APBB2: variants seen among roughly 807,000 people sequenced by gnomAD.
APBB2 encodes amyloid beta precursor protein binding family B member 2.
APBB2 carries 38 observed loss-of-function variants against 82.5 expected under a neutral mutation model. That is an observed-to-expected ratio of 0.46 (90% confidence interval 0.36 to 0.60). The LOEUF is 0.60. Among genes scored for constraint, APBB2 ranks in the 20% least tolerant of loss-of-function variants. The probability of loss-of-function intolerance (pLI) is 0.00; values close to 1 mark genes in which losing one functional copy is unlikely to be tolerated. For missense variants in APBB2, 772 were observed against 972.3 expected (o/e 0.79, Z 2.74); for synonymous variants, 341 against 368.2 (o/e 0.93, Z 0.85).
rs944221395 is a variant in APBB2, at chr4:40,813,263, A to G, written c.*2829T>C. The G allele has an allele frequency of 4.6e-5, 7 of 152,266 alleles. No homozygotes were observed. Among genetic ancestry groups the G allele is most frequent in the African/African-American group, 7.2e-5 (3 of 41,472 alleles). 9.4% of individuals were successfully genotyped at this position (152,266 alleles called of 1,614,324 possible). A position where few individuals can be genotyped will look rare whatever the true frequency, so the allele number is the denominator to read the frequency against. On this transcript the variant is annotated 3_prime_UTR_variant, in exon 18 of 18. Transcript: ENST00000508593. ...TATCCAGGAAAGATAATACATTAAC[A>G]CAATAATGCAGTATATTTCAGTAAA...
intron 2 of APBB2, among the ~76,000 whole-genome samples, chr4:41,109,660 T>C (rs748748354): frequency 1.3e-5 from 2 of 152,144 alleles, no homozygotes; most frequent in Non-Finnish European, 2.9e-5. Context: ...TTGGTAGAGA[T>C]GGAGTTTCAC....
At chr4:40,908,363 A>G (rs1777633114) in intron 10 of APBB2, among the ~76,000 whole-genome samples, 1 of 152,116 alleles carries the variant, frequency 6.6e-6, no homozygotes, top group Non-Finnish European at 1.5e-5. Flanking sequence ...TATACACTTC[A>G]GGTAACCATG....
chr4:41,120,741 G>A lies in APBB2; in HGVS notation c.-260-19991C>T, dbSNP rs549187853. Among the ~76,000 whole-genome samples, 14 of 152,226 alleles carry A rather than the reference G, an allele frequency of 9.2e-5. No individual in the cohort carries two copies. The South Asian group carries it at 1.2e-3, about 14-fold the overall frequency. On this transcript the variant is annotated intron_variant, in intron 2 of 17. Transcript: ENST00000508593. ...AGCTTGGGCTGCTTTCACAGGCACC[G>A]CGCTCTTGCAAAATACAGCCTAAAA...
At chr4:41,049,234 C>T (rs1414544520) in intron 4 of APBB2, among the ~76,000 whole-genome samples, 3 of 150,194 alleles carry the variant, frequency 2.0e-5, no homozygotes, top group Non-Finnish European at 4.4e-5. Flanking sequence ...TCTGCCCAGC[C>T]GCGACCCCGT....
At chr4:40,836,548 A>T (rs1754015727) in intron 12 of APBB2, among the ~76,000 whole-genome samples, 1 of 152,212 alleles carries the variant, frequency 6.6e-6, no homozygotes, top group Non-Finnish European at 1.5e-5. Flanking sequence ...GAAGAAAGAC[A>T]TTTAGAGGCC....
intron 2 of APBB2, among the ~76,000 whole-genome samples, chr4:41,131,777 C>T (rs1380872613): frequency 6.6e-6 from 1 of 152,156 alleles, no homozygotes; most frequent in African/African-American, 2.4e-5. Context: ...CAGTGGATCA[C>T]GTCTGTAATC....
intron 6 of APBB2, among the ~76,000 whole-genome samples, chr4:40,990,938 G>A (rs1413447605): frequency 6.6e-6 from 1 of 151,940 alleles, no homozygotes; most frequent in African/African-American, 2.4e-5. Flanking sequence ...CCCTGAATGG[G>A]GGTTGGGGGC....
At chr4:40,982,279 AAAGAAGGAAGGAAGGAAGGAAGGAAG>A in intron 6 of APBB2, among the ~76,000 whole-genome samples, 1 of 40,656 alleles carries the variant, frequency 2.5e-5, no homozygotes, top group African/African-American at 1.2e-4. Context: ...AGAAAGAAAG[AAAGAAGGAAGGAAGGAAGGAAGGAAG>A]GAAAGAAAGA....
At chr4:41,072,372 G>A (rs13129535) in intron 3 of APBB2, among the ~76,000 whole-genome samples, 78,283 of 152,020 alleles carry the variant, frequency 0.51, 20,814 homozygotes, top group East Asian at 0.72. Context: ...AGGCTTTGGG[G>A]ATATGTGTCT....
intron 3 of APBB2, among the ~76,000 whole-genome samples, chr4:41,079,423 T>C (rs1054926722): frequency 6.6e-6 from 1 of 152,150 alleles, no homozygotes; most frequent in Non-Finnish European, 1.5e-5. Flanking sequence ...GTTTGTTTCA[T>C]AAGATTTCAA....
At chr4:40,956,360 C>T (rs1158837290) in intron 6 of APBB2, among the ~76,000 whole-genome samples, 4 of 152,100 alleles carry the variant, frequency 2.6e-5, no homozygotes. Flanking sequence ...CCAAAGGAAT[C>T]GGCAGAAACA....
At chr4:40,895,763 G>T (rs1773497094) in intron 10 of APBB2, among the ~76,000 whole-genome samples, 1 of 152,166 alleles carries the variant, frequency 6.6e-6, no homozygotes, top group Non-Finnish European at 1.5e-5. Flanking sequence ...CCCCTGGCCT[G>T]CCATTCCAAC....
At chr4:41,121,575 A>G (rs374562025) in intron 2 of APBB2, among the ~76,000 whole-genome samples, 22 of 152,258 alleles carry the variant, frequency 1.4e-4, no homozygotes, top group African/African-American at 5.3e-4. Flanking sequence ...TAGGATGGAA[A>G]TCCTCCACCT....
chr4:40,873,909 T>C (rs537300732), intron 12 of APBB2, among the ~76,000 whole-genome samples: 95 of 152,350 alleles, frequency 6.2e-4, no homozygotes, highest in African/African-American at 2.0e-3. Flanking sequence ...ATCTGTATTT[T>C]ATACACTCAT....
chr4:40,847,339 G>T (rs1757964350), intron 12 of APBB2, among the ~76,000 whole-genome samples: 1 of 152,142 alleles, frequency 6.6e-6, no homozygotes, highest in South Asian at 2.1e-4. Context: ...GCGCACACCT[G>T]TAGTCCCAGC....
chr4:40,854,707 T>A (rs929106728), intron 12 of APBB2, among the ~76,000 whole-genome samples: 1 of 148,784 alleles, frequency 6.7e-6, no homozygotes, highest in Non-Finnish European at 1.5e-5. Flanking sequence ...GAGAATCGCT[T>A]GAATCTGGGA....
intron 2 of APBB2, among the ~76,000 whole-genome samples, chr4:41,102,505 A>G (rs1353687688): frequency 6.6e-6 from 1 of 152,232 alleles, no homozygotes; most frequent in Non-Finnish European, 1.5e-5. Context: ...CTCGAATTTC[A>G]TGTTTCTTTA....
Position 40,826,907 on chromosome 4 carries a change from C to T in APBB2, c.1732+225G>A. 2.2e-6 allele frequency: 1 copy of T among 459,650 alleles called. No homozygotes were observed. The highest frequency in any genetic ancestry group is 3.9e-6 in the Non-Finnish European group (1 of 258,922). 28.5% of individuals were successfully genotyped at this position (459,650 alleles called of 1,614,324 possible). On this transcript the variant is annotated intron_variant, in intron 14 of 17. Coordinates refer to ENST00000508593, the MANE Select transcript of APBB2 (RefSeq NM_004307.2). This position sits in a 1 kb window ranked among gnomAD's most constrained non-coding sequence, Gnocchi z 4.5. Reference sequence around the variant, plus strand: ...AAAACTAAAGACAATATTCTTTAATCTTGTCCAATAACAACAAAACTCATC... The same window carrying T: ...AAAACTAAAGACAATATTCTTTAATTTTGTCCAATAACAACAAAACTCATC...
chr4:41,049,476 CGCCCGGCCAGCCGCCCCG>C (rs1560614907), intron 4 of APBB2, among the ~76,000 whole-genome samples: 1,475 of 146,748 alleles, frequency 0.01, 20 homozygotes, highest in African/African-American at 0.031. Context: ...GGGCAGCCCC[CGCCCGGCCAGCCGCCCCG>C]TCCGGGAGGG....
Sources: allele counts gnomAD v4.1 joint callset (sites outside exome capture counted in the v4.1 genomes callset), GRCh38; gene constraint gnomAD v4.1.1; non-coding constraint Gnocchi (gnomAD v3.1); transcripts MANE v1.5; gene names NCBI Gene and HGNC (gene_info 2026-07-23, HGNC 2026-07-21).